PTPRF: variants seen among roughly 807,000 people sequenced by gnomAD.
PTPRF encodes protein tyrosine phosphatase receptor type F, also known as receptor-type tyrosine-protein phosphatase F.
A neutral mutation model predicts 201.8 loss-of-function variants in PTPRF; 59 were observed. The ratio of observed to expected loss-of-function variants is 0.29; its 90% CI spans 0.24 to 0.36. PTPRF has a LOEUF of 0.36. Ranked by LOEUF, PTPRF falls within the 10% of genes least tolerant of loss-of-function variation. The pLI is 1.00. For missense variants in PTPRF, 2,132 were observed against 2,690.5 expected, an observed-to-expected ratio of 0.79 and a Z score of 4.59; for synonymous variants, 1,088 against 1,089.7, an observed-to-expected ratio of 1.00 and a Z score of 0.03.
intron 5 of PTPRF, among the ~76,000 whole-genome samples, chr1:43,557,612 C>T (rs1364604679): frequency 4.9e-5 from 7 of 144,036 alleles, no homozygotes; most frequent in African/African-American, 1.6e-4. Context: ...CCAGCCTGGG[C>T]GACAGGAGAC....
At chr1:43,593,874 T>C (rs1482322279) in intron 11 of PTPRF, among the ~76,000 whole-genome samples, 1 of 151,880 alleles carries the variant, frequency 6.6e-6, no homozygotes, top group African/African-American at 2.4e-5. Context: ...CAATCCCACA[T>C]ACTCGGGAGG....
intron 12 of PTPRF, 38 bp from the exon 13 acceptor site, chr1:43,598,682 C>T: frequency 6.3e-7 from 1 of 1,584,856 alleles, no homozygotes; most frequent in Non-Finnish European, 8.6e-7. Flanking sequence ...AGGGTTGATA[C>T]CTCCAGGCCT....
At chr1:43,555,148 G>A (rs7534918) in intron 5 of PTPRF, among the ~76,000 whole-genome samples, 4,422 of 151,934 alleles carry the variant, frequency 0.029, 227 homozygotes, top group African/African-American at 0.1. Flanking sequence ...CACCGCACCC[G>A]GGCCGATTGT....
intron 3 of PTPRF, among the ~76,000 whole-genome samples, chr1:43,547,894 G>A (rs909398416): frequency 6.6e-6 from 1 of 152,372 alleles, no homozygotes; most frequent in East Asian, 1.9e-4. Flanking sequence ...TGTGGGGCCA[G>A]AGGTGTCCTG....
At chr1:43,610,515 G>C (rs1440090633) in intron 22 of PTPRF, among the ~76,000 whole-genome samples, 1 of 152,258 alleles carries the variant, frequency 6.6e-6, no homozygotes, top group Non-Finnish European at 1.5e-5. Flanking sequence ...CTGGGAGCTA[G>C]AGTCATTTAA....
chr1:43,577,394 G>T (rs184931347), intron 6 of PTPRF, among the ~76,000 whole-genome samples: 1 of 152,238 alleles, frequency 6.6e-6, no homozygotes, highest in East Asian at 1.9e-4. Context: ...CATCTGGTGG[G>T]GAGGGCTGAG....
At chr1:43,577,654 C>G (rs889248297) in intron 6 of PTPRF, among the ~76,000 whole-genome samples, 3 of 152,082 alleles carry the variant, frequency 2.0e-5, no homozygotes, top group East Asian at 1.9e-4. Flanking sequence ...GCAGGGGGGG[C>G]CCGGCAGCTT....
chr1:43,583,097 G>A lies in PTPRF; in HGVS notation c.679+4177G>A, dbSNP rs1648163917. On this transcript the variant is annotated intron_variant, in intron 7 of 33. Coordinates refer to ENST00000359947, the MANE Select transcript of PTPRF (RefSeq NM_002840.5). ...CATCTCTCAGATCAGCGAGAAGGTT[G>A]GTCCTTTTCACTTCTTATCCATCTA... is the stretch of plus-strand genomic sequence containing the variant. 4 of 985,624 alleles carry A rather than the reference G, an allele frequency of 4.1e-6. No individual in the cohort carries two copies. The East Asian group carries it at 4.5e-4, about 112-fold the overall frequency. The allele number at this position is 985,624 out of a possible 1,614,324, so 61.1% of individuals were successfully genotyped here.
Position 43,606,380 on chromosome 1 carries a change from C to T in PTPRF, c.3624C>T (p.Gly1208=). ...TGGGGGACAAGAAGAACTACCGGGG[C>T]TTCTACAACCGGCCCCTGTCTCCGG... The part of the protein sequence containing the change: ...FTLGDKKNYR[G]FYNRPLSPDL... Residue 1208 remains glycine, a synonymous_variant, in exon 20 of 34, where the codon GGC becomes GGT. Transcript: ENST00000359947. 6.2e-7 allele frequency: 1 copy of T among 1,614,194 alleles called. No homozygotes were observed. Among genetic ancestry groups the T allele is most frequent in the Non-Finnish European group, 8.5e-7 (1 of 1,180,020 alleles).
intron 6 of PTPRF, among the ~76,000 whole-genome samples, chr1:43,570,639 G>A (rs1481889255): frequency 1.3e-5 from 2 of 152,222 alleles, no homozygotes; most frequent in African/African-American, 4.8e-5. Flanking sequence ...GGCTTCAGAG[G>A]TGCCCTCCCA....
intron 7 of PTPRF, among the ~76,000 whole-genome samples, chr1:43,583,904 C>T (rs951896968): frequency 6.6e-6 from 1 of 152,226 alleles, no homozygotes; most frequent in Non-Finnish European, 1.5e-5. Context: ...AACTGACATT[C>T]CTTAGCTTGA....
At chr1:43,522,445 T>C (rs1281532743), upstream of PTPRF, among the ~76,000 whole-genome samples, 1 of 152,200 alleles carries the variant, frequency 6.6e-6, no homozygotes, top group Non-Finnish European at 1.5e-5. Context: ...ATAGCTAACA[T>C]TTACTGGGTA....
intron 26 of PTPRF, 73 bp downstream of exon 26, chr1:43,618,822 G>A: frequency 6.4e-7 from 1 of 1,559,208 alleles, no homozygotes. Context: ...GGTGTGCTGG[G>A]TCGGGGGGAA....
chr1:43,619,894 A>G, intron 29 of PTPRF, 36 bp downstream of exon 29: 1 of 1,606,628 alleles, frequency 6.2e-7, no homozygotes, highest in East Asian at 2.2e-5. Flanking sequence ...CATGCCCTAC[A>G]GGGGCCTAGG....
In PTPRF at chr1:43,609,410, G is replaced by A; in HGVS notation, c.3885G>A (p.Lys1295=). The A allele has an allele frequency of 6.2e-7, 1 of 1,614,070 alleles. No individual in the cohort carries two copies. The highest frequency in any genetic ancestry group is 8.5e-7 in the Non-Finnish European group (1 of 1,179,988). The part of the protein sequence containing the change: ...KRKRTHSPSS[K]DEQSIGLKDS... ...AAAGGACCCACTCTCCGTCCTCTAA[G>A]GATGAGCAGTCGATCGGACTGAAGG... is the stretch of plus-strand genomic sequence containing the variant. Residue 1295 remains lysine, a synonymous_variant, in exon 22 of 34, where the codon AAG becomes AAA. Coordinates refer to ENST00000359947, the MANE Select transcript of PTPRF (RefSeq NM_002840.5).
intron 2 of PTPRF, among the ~76,000 whole-genome samples, chr1:43,539,420 C>T (rs1314954750): frequency 6.6e-6 from 1 of 152,106 alleles, no homozygotes; most frequent in Non-Finnish European, 1.5e-5. Context: ...GTCTGTTCAC[C>T]CTCTGTAAGC....
chr1:43,579,568 C>G (rs1348381231), intron 7 of PTPRF: 1 of 290,748 alleles, frequency 3.4e-6, no homozygotes, highest in Middle Eastern at 1.2e-3. Flanking sequence ...TCTGGAAGTC[C>G]AAGTTCCCAG....
chr1:43,581,354 C>G (rs1420144826), intron 7 of PTPRF, among the ~76,000 whole-genome samples: 1 of 152,244 alleles, frequency 6.6e-6, no homozygotes, highest in Non-Finnish European at 1.5e-5. Flanking sequence ...TGTTGTCTCT[C>G]TCACACACAC....
intron 25 of PTPRF, 23 bp from the exon 26 acceptor site, chr1:43,618,607 C>T (rs752476292): frequency 1.3e-6 from 2 of 1,586,716 alleles, no homozygotes; most frequent in South Asian, 2.2e-5. Flanking sequence ...TTCCTTCAGC[C>T]TGCCCTGCTC....
Sources: allele counts gnomAD v4.1 joint callset (sites outside exome capture counted in the v4.1 genomes callset), GRCh38; gene constraint gnomAD v4.1.1; transcripts MANE v1.5; gene names NCBI Gene and HGNC (gene_info 2026-07-23, HGNC 2026-07-21).